DENND1B: variants seen among roughly 807,000 people sequenced by gnomAD.
The protein encoded by DENND1B is DENN domain-containing protein 1B.
A neutral mutation model predicts 90.1 loss-of-function variants in DENND1B; 59 were observed. The ratio of observed to expected loss-of-function variants is 0.65; its 90% CI spans 0.53 to 0.81. The LOEUF is 0.81. Among genes scored for constraint, DENND1B ranks in the 40% least tolerant of loss-of-function variants. The pLI, the probability that DENND1B is intolerant of heterozygous loss-of-function variation, is 0.00. For missense variants in DENND1B, 862 were observed against 912.6 expected (o/e 0.94, Z 0.71); for synonymous variants, 337 against 324.6 (o/e 1.04, Z -0.41).
chr1:197,565,461 T>TC (rs1160138707), intron 15 of DENND1B, among the ~76,000 whole-genome samples: 1 of 148,766 alleles, frequency 6.7e-6, no homozygotes, highest in Non-Finnish European at 1.5e-5. Flanking sequence ...CCTATAATTT[T>TC]CTTTTTTTTC....
At chr1:197,727,284 C>T (rs1661727067) in intron 2 of DENND1B, among the ~76,000 whole-genome samples, 1 of 151,998 alleles carries the variant, frequency 6.6e-6, no homozygotes, top group South Asian at 2.1e-4. Flanking sequence ...ACCTGTAATC[C>T]CAGCACTTTG....
intron 22 of DENND1B, 70 bp from the exon 23 acceptor site, chr1:197,511,042 T>C (rs1164197932): frequency 4.4e-6 from 6 of 1,367,368 alleles, no homozygotes; most frequent in Non-Finnish European, 4.8e-6. Context: ...TTTTTCTCTT[T>C]TGAAATAAAT....
At chr1:197,607,440 T>C (rs1371966147) in intron 12 of DENND1B, among the ~76,000 whole-genome samples, 1 of 150,832 alleles carries the variant, frequency 6.6e-6, no homozygotes, top group East Asian at 1.9e-4. Flanking sequence ...TCTTATAAAA[T>C]AGGCACAGTT....
rs560013540 is a variant in DENND1B at position 197,647,056 on chromosome 1, G to A, written c.506C>T (p.Pro169Leu). Reference sequence around the variant, plus strand: ...GAAGCCAATGTCCTTTTAACTCACCGGTACTAGAGCAGGCTGATCTTTCAG... The same window carrying A: ...GAAGCCAATGTCCTTTTAACTCACCAGTACTAGAGCAGGCTGATCTTTCAG... ...QVLKDQPALV[P>L]HSYFIAPDVT... Residue 169 changes from proline (P) to leucine (L), a missense_variant and splice_region_variant, in exon 8 of 23, where the codon CCG becomes CTG. Pro to Leu is a moderately conservative substitution (Grantham distance 98). Coordinates refer to ENST00000620048, the MANE Select transcript of DENND1B (RefSeq NM_001195215.2). 3.4e-5 allele frequency: 50 copies of A among 1,466,642 alleles called. No individual in the cohort carries two copies. The highest frequency in any genetic ancestry group is 4.1e-5 in the Non-Finnish European group (46 of 1,116,902). The allele number at this position is 1,466,642 out of a possible 1,614,324, so 90.9% of individuals were successfully genotyped here. A position where few individuals can be genotyped will look rare whatever the true frequency, so the allele number is the denominator to read the frequency against.
chr1:197,673,424 A>G (rs1188892026), intron 4 of DENND1B, among the ~76,000 whole-genome samples: 1 of 152,050 alleles, frequency 6.6e-6, no homozygotes, highest in Non-Finnish European at 1.5e-5. Context: ...ACTTTAGCGA[A>G]GTATTTTCCT....
In DENND1B at chr1:197,571,384, C is replaced by T. The variant is rs535133169; in HGVS notation, c.1149+11768G>A. 4.6e-5 allele frequency among the ~76,000 whole-genome samples: 7 copies of T among 152,322 alleles called. No homozygotes were observed. The South Asian group carries it at 1.5e-3, about 32-fold the overall frequency. The stretch of plus-strand genomic sequence containing the variant: ...TTAGTACAACTCTTTTCCATGCCCA[C>T]ATTTCATTTATTCGGATCTTAGAAA... On this transcript the variant is annotated intron_variant, in intron 15 of 22. Transcript: ENST00000620048.
In DENND1B at chr1:197,526,524, G is replaced by GT. The variant is rs146332352; in HGVS notation, c.1515+13439dup. Among the ~76,000 whole-genome samples the GT allele has an allele frequency of 6.1e-3, 922 of 152,196 alleles. 3 individuals are homozygous for GT. The highest frequency in any genetic ancestry group is 0.021 in the African/African-American group (888 of 41,562). The stretch of plus-strand genomic sequence containing the variant: ...TACTGATGTAAAGTCTAGAATGGTA[G>GT]TATTCACTAGATTTACTAAATGGAG... On this transcript the variant is annotated intron_variant, in intron 20 of 22. Coordinates refer to ENST00000620048, the MANE Select transcript of DENND1B (RefSeq NM_001195215.2).
intron 14 of DENND1B, among the ~76,000 whole-genome samples, 160 bp from the exon 15 acceptor site, chr1:197,583,413 C>G (rs1446545961): frequency 6.6e-6 from 1 of 152,170 alleles, no homozygotes; most frequent in Non-Finnish European, 1.5e-5. Flanking sequence ...AAATATTCCT[C>G]TACTAATAAG....
At chr1:197,526,165 A>G (rs1275219691) in intron 20 of DENND1B, among the ~76,000 whole-genome samples, 2 of 152,100 alleles carry the variant, frequency 1.3e-5, no homozygotes, top group Non-Finnish European at 2.9e-5. Flanking sequence ...ATCTATTGAC[A>G]TTTCTGAAAA....
At chr1:197,621,340 G>C (rs1354216342) in intron 10 of DENND1B, among the ~76,000 whole-genome samples, 1 of 150,814 alleles carries the variant, frequency 6.6e-6, no homozygotes, top group Non-Finnish European at 1.5e-5. Context: ...ACATGGCAAA[G>C]ACTCTAAATA....
chr1:197,536,139 TGAGA>T (rs34670774), intron 20 of DENND1B, among the ~76,000 whole-genome samples: 3 of 121,912 alleles, frequency 2.5e-5, no homozygotes, highest in Non-Finnish European at 5.2e-5. Context: ...AGAGAGAGAT[TGAGA>T]GAGAGAGAGA....
At chr1:197,526,887 C>T (rs1392824645) in intron 20 of DENND1B, among the ~76,000 whole-genome samples, 1 of 152,094 alleles carries the variant, frequency 6.6e-6, no homozygotes, top group Non-Finnish European at 1.5e-5. Flanking sequence ...TTCTAAAAGA[C>T]ACACTATTCT....
At chr1:197,561,485 T>C (rs561843116) in intron 15 of DENND1B, among the ~76,000 whole-genome samples, 1 of 151,992 alleles carries the variant, frequency 6.6e-6, no homozygotes, top group Non-Finnish European at 1.5e-5. Context: ...TTCTTATCAT[T>C]TCTATTTATA....
intron 20 of DENND1B, among the ~76,000 whole-genome samples, chr1:197,520,811 C>G (rs547436680): frequency 3.8e-4 from 57 of 151,884 alleles, no homozygotes; most frequent in Non-Finnish European, 7.5e-4. Context: ...TAGACTGCTC[C>G]TAGGGCCTAA....
chr1:197,622,973 A>G (rs1678309543), intron 10 of DENND1B, among the ~76,000 whole-genome samples: 1 of 151,336 alleles, frequency 6.6e-6, no homozygotes, highest in Admixed American at 6.6e-5. Flanking sequence ...AATCACCACT[A>G]TGAAAAATAG....
intron 2 of DENND1B, among the ~76,000 whole-genome samples, chr1:197,751,613 G>A (rs892548261): frequency 3.3e-5 from 5 of 152,172 alleles, no homozygotes; most frequent in African/African-American, 1.2e-4. Flanking sequence ...GGAGGCCGAG[G>A]TGGGTGGATC....
rs181747923 is a variant in DENND1B, at chr1:197,565,488, T to C, written c.1150-12376A>G. Among the ~76,000 whole-genome samples the C allele has an allele frequency of 4.5e-3, 680 of 152,042 alleles. 4 individuals carry two copies. The highest frequency in any genetic ancestry group is 7.7e-3 in the Non-Finnish European group (521 of 67,946). On this transcript the variant is annotated intron_variant, in intron 15 of 22. Coordinates refer to ENST00000620048, the MANE Select transcript of DENND1B (RefSeq NM_001195215.2). ...TTTTTTTTCTTTCTTTTTTTTTTCTTTTATTTTATTATTATTATACTTTAA... is the reference window on the plus strand; with the variant it reads ...TTTTTTTTCTTTCTTTTTTTTTTCTCTTATTTTATTATTATTATACTTTAA...
At chr1:197,623,783 C>T (rs545849522) in intron 10 of DENND1B, among the ~76,000 whole-genome samples, 1 of 151,594 alleles carries the variant, frequency 6.6e-6, no homozygotes, top group East Asian at 1.9e-4. Flanking sequence ...TCAGAGTTCA[C>T]ACTCTAGGAT....
intron 13 of DENND1B, chr1:197,606,002 A>T (rs1676642559): frequency 6.6e-6 from 1 of 151,180 alleles, no homozygotes; most frequent in South Asian, 2.1e-4. Context: ...ATTACAGAAA[A>T]ATATGCTCTG....
Sources: gnomAD v4.1 joint callset for allele counts (sites outside exome capture counted in the v4.1 genomes callset) on GRCh38, gnomAD v4.1.1 for gene constraint, MANE v1.5 for transcripts, NCBI Gene and HGNC (gene_info 2026-07-23, HGNC 2026-07-21) for gene names.